The following IRAG2 variants were observed in gnomAD, a reference collection of about 807,000 sequenced individuals.
IRAG2 encodes inositol 1,4,5-triphosphate receptor associated 2, also known as lymphoid restricted membrane protein.
IRAG2 carries 45 observed loss-of-function variants against 69.9 expected under a neutral mutation model. The observed-to-expected ratio is 0.64, with a 90% CI of 0.51 to 0.83. IRAG2 has a LOEUF of 0.83. Ranked by LOEUF, IRAG2 falls within the 40% of genes least tolerant of loss-of-function variation. IRAG2 has a pLI of 0.00. For synonymous variants in IRAG2, 193 were observed against 202.4 expected (o/e 0.95, Z 0.40); for missense variants, 520 against 587.0 (o/e 0.89, Z 1.18).
intron 6 of IRAG2, among the ~76,000 whole-genome samples, chr12:25,073,095 C>T (rs1450857441): frequency 2.6e-5 from 4 of 152,138 alleles, no homozygotes; most frequent in Admixed American, 6.5e-5. Context: ...CTGGGAAAGT[C>T]GTGTTTTCAG....
intron 5 of IRAG2, among the ~76,000 whole-genome samples, chr12:25,068,540 G>A (rs906876056): frequency 6.6e-6 from 1 of 152,134 alleles, no homozygotes; most frequent in Non-Finnish European, 1.5e-5. Flanking sequence ...GAGCTTGGCA[G>A]GGTGGAGTTG....
chr12:25,061,365 A>G (rs73282871), intron 1 of IRAG2, among the ~76,000 whole-genome samples: 2,419 of 152,290 alleles, frequency 0.016, 59 homozygotes, highest in African/African-American at 0.053. Context: ...CTCTACAAAA[A>G]ATACCAAAAC....
At chr12:25,004,034 T>G (rs2139812506), upstream of IRAG2, among the ~76,000 whole-genome samples, 1 of 152,320 alleles carries the variant, frequency 6.6e-6, no homozygotes, top group African/African-American at 2.4e-5. Flanking sequence ...GCAGTAACGT[T>G]TATCTCAAAG....
chr12:25,003,078 T>C (rs996658874), upstream of IRAG2, among the ~76,000 whole-genome samples: 11 of 152,236 alleles, frequency 7.2e-5, no homozygotes, highest in African/African-American at 2.4e-4. Context: ...GGTCCTCATA[T>C]TGAAGATCAA....
intron 16 of IRAG2, 60 bp downstream of exon 16, chr12:25,101,385 C>A: frequency 7.8e-7 from 1 of 1,281,720 alleles, no homozygotes; most frequent in Non-Finnish European, 1.1e-6. Flanking sequence ...CTCTTTTTTG[C>A]TAAGTCTTAT....
At chr12:25,069,801 G>A (rs887377727) in intron 6 of IRAG2, among the ~76,000 whole-genome samples, 2 of 152,190 alleles carry the variant, frequency 1.3e-5, no homozygotes, top group Non-Finnish European at 2.9e-5. Flanking sequence ...AATTGAGGTC[G>A]AGGCTGGATA....
At chr12:25,059,787 A>G (rs1448184171) in intron 1 of IRAG2, among the ~76,000 whole-genome samples, 1 of 152,044 alleles carries the variant, frequency 6.6e-6, no homozygotes, top group Non-Finnish European at 1.5e-5. Flanking sequence ...ATTTTTACCA[A>G]AAAAAAGTCC....
intron 16 of IRAG2, 102 bp from the exon 17 acceptor site, chr12:25,102,096 A>C: frequency 1.2e-6 from 1 of 805,528 alleles, no homozygotes; most frequent in East Asian, 2.6e-5. Flanking sequence ...TAAAGTCTTA[A>C]TATCTTCTGA....
exon 1 of IRAG2, chr12:25,004,618 T>A (rs1591920388): frequency 8.1e-7 from 1 of 1,231,874 alleles, no homozygotes; most frequent in Admixed American, 4.2e-5. Context: ...TCAAATAATA[T>A]CTCCAAGAAC....
intron 6 of IRAG2, among the ~76,000 whole-genome samples, chr12:25,018,658 G>A (rs1379892977): frequency 6.6e-6 from 1 of 152,154 alleles, no homozygotes; most frequent in Non-Finnish European, 1.5e-5. Flanking sequence ...AAAATTCAAA[G>A]TTTCTTTAAC....
At chr12:25,088,512 C>T (rs552003674) in intron 11 of IRAG2, among the ~76,000 whole-genome samples, 1 of 152,352 alleles carries the variant, frequency 6.6e-6, no homozygotes, top group African/African-American at 2.4e-5. Flanking sequence ...TCCCCTTAGC[C>T]TACCTCCATT....
chr12:25,052,328 G>A, upstream of IRAG2: 1 of 398,382 alleles, frequency 2.5e-6, no homozygotes, highest in African/African-American at 2.1e-5. Flanking sequence ...CCAGCCAACG[G>A]CTGGAGGATG....
chr12:25,037,878 T>C (rs1485422476), intron 15 of IRAG2: 1 of 396,980 alleles, frequency 2.5e-6, no homozygotes, highest in African/African-American at 2.1e-5. Flanking sequence ...CAGTATGCCA[T>C]TGAGATGGAA....
chr12:25,093,835 T>G (rs1948235575), intron 14 of IRAG2: 1 of 153,586 alleles, frequency 6.5e-6, no homozygotes, highest in Non-Finnish European at 1.5e-5. Flanking sequence ...GTATTCTTCA[T>G]AAAATGTTCT....
intron 2 of IRAG2, among the ~76,000 whole-genome samples, chr12:25,009,800 A>G (rs1248068190): frequency 4.8e-5 from 1 of 20,742 alleles, no homozygotes; most frequent in East Asian, 3.0e-3. Flanking sequence ...CAAGTCTAGA[A>G]GCAGGAAAAA....
chr12:25,086,588 G>A (rs1157250204), intron 10 of IRAG2, among the ~76,000 whole-genome samples: 1 of 152,208 alleles, frequency 6.6e-6, no homozygotes, highest in African/African-American at 2.4e-5. Context: ...AAGGAAGGGA[G>A]CATTGAGGAT....
intron 6 of IRAG2, chr12:25,017,349 A>G: frequency 8.3e-7 from 1 of 1,209,564 alleles, no homozygotes; most frequent in East Asian, 3.2e-5. Context: ...TTCTTTTTTT[A>G]AAAAACCTTT....
Position 25,057,858 on chromosome 12 carries a change from C to G in IRAG2, c.-446-3734C>G, listed in dbSNP as rs1945372612. Among the ~76,000 whole-genome samples, 3 of 152,140 alleles carry G rather than the reference C, an allele frequency of 2.0e-5. No homozygotes were observed. In the South Asian group the frequency reaches 6.2e-4, roughly 32 times the overall value. On this transcript the variant is annotated intron_variant, in intron 1 of 21. Coordinates refer to ENST00000556887, the MANE Select transcript of IRAG2 (RefSeq NM_001366544.2). ...TAGCCTGTTCTAGAACTCAGTTACACAGTATGTACTTTTTTGTGTGTTTGT... is the reference window on the plus strand; with the variant it reads ...TAGCCTGTTCTAGAACTCAGTTACAGAGTATGTACTTTTTTGTGTGTTTGT...
chr12:25,095,710 T>C (rs1418263813), intron 14 of IRAG2, among the ~76,000 whole-genome samples: 2 of 152,224 alleles, frequency 1.3e-5, no homozygotes, highest in Non-Finnish European at 2.9e-5. Context: ...TTTATGAAGA[T>C]TGGCATTAAT....
Sources: gnomAD v4.1 joint callset for allele counts (sites outside exome capture counted in the v4.1 genomes callset) on GRCh38, gnomAD v4.1.1 for gene constraint, MANE v1.5 for transcripts, NCBI Gene and HGNC (gene_info 2026-07-23, HGNC 2026-07-21) for gene names.